The following PARP8 variants were observed in gnomAD, a reference collection of about 807,000 sequenced individuals.
The protein encoded by PARP8 is poly(ADP-ribose) polymerase family member 8, also known as protein mono-ADP-ribosyltransferase PARP8.
In PARP8, 51 loss-of-function variants were observed where a neutral mutation model predicts 124.1. The ratio of observed to expected loss-of-function variants is 0.41; its 90% CI spans 0.33 to 0.52. PARP8 has a LOEUF of 0.52. PARP8 is among the 20% of genes least tolerant of loss of function. The pLI is 0.21. For missense variants in PARP8, 860 were observed against 1,018.9 expected (o/e 0.84, Z 2.12); for synonymous variants, 391 against 361.5 (o/e 1.08, Z -0.93).
chr5:50,725,704 A>G (rs941986372), intron 2 of PARP8, among the ~76,000 whole-genome samples: 4 of 152,194 alleles, frequency 2.6e-5, no homozygotes, highest in African/African-American at 9.6e-5. Context: ...CATTATTTAT[A>G]CAGTATACAA....
At chr5:50,779,360 C>G (rs1246312860) in intron 9 of PARP8, among the ~76,000 whole-genome samples, 2 of 152,174 alleles carry the variant, frequency 1.3e-5, no homozygotes, top group Admixed American at 6.5e-5. Flanking sequence ...CTTGCAGTCT[C>G]CCATGATTTG....
At position 50,763,226 on chromosome 5, in the gene PARP8, C is replaced by T; in HGVS notation, c.502C>T (p.His168Tyr). 1 of 1,610,426 alleles carries T rather than the reference C, an allele frequency of 6.2e-7. No homozygotes were observed. The highest frequency in any genetic ancestry group is 8.5e-7 in the Non-Finnish European group (1 of 1,176,730). Residue 168 changes from histidine to tyrosine, a missense_variant, in exon 7 of 26, where the codon CAT (histidine) becomes TAT (tyrosine). His to Tyr is a moderately conservative substitution (Grantham distance 83, BLOSUM62 2). Coordinates refer to ENST00000281631, the MANE Select transcript of PARP8 (RefSeq NM_024615.4). ...AGCAGTTAGAGAGATATATGGGCCA[C>T]ATGCAGTTTCTCTCAGGTAAATAAG... ...LSAVREIYGPHAVSLREYGAI... is the reference protein window; with the variant it reads ...LSAVREIYGPYAVSLREYGAI...
chr5:50,727,134 G>A (rs191317840), intron 2 of PARP8, among the ~76,000 whole-genome samples: 1 of 152,138 alleles, frequency 6.6e-6, no homozygotes, highest in East Asian at 1.9e-4. Context: ...TCTGATAATA[G>A]TTTTTGGTAA....
At chr5:50,787,381 G>T (rs1385401658) in intron 9 of PARP8, among the ~76,000 whole-genome samples, 1 of 152,038 alleles carries the variant, frequency 6.6e-6, no homozygotes, top group Non-Finnish European at 1.5e-5. Flanking sequence ...CTGTTCCTAG[G>T]ATATTTCAGC....
At chr5:50,786,568 A>C (rs988843784) in intron 9 of PARP8, among the ~76,000 whole-genome samples, 5 of 150,408 alleles carry the variant, frequency 3.3e-5, no homozygotes, top group East Asian at 2.0e-4. Flanking sequence ...GAGTCTCTCT[A>C]TGTTTCCAAG....
chr5:50,794,134 A>G, intron 10 of PARP8, 73 bp from the exon 11 acceptor site: 3 of 1,467,872 alleles, frequency 2.0e-6, no homozygotes, highest in Admixed American at 4.2e-5. Flanking sequence ...TGCATTTTCT[A>G]CATAATAAAT....
intron 24 of PARP8, 107 bp downstream of exon 24, chr5:50,834,155 A>G: frequency 1.1e-6 from 1 of 892,338 alleles, no homozygotes; most frequent in Non-Finnish European, 1.7e-6. Flanking sequence ...GGAAAGCATT[A>G]TTCCTTATGA....
intron 2 of PARP8, among the ~76,000 whole-genome samples, chr5:50,682,971 G>A (rs888738130): frequency 1.3e-5 from 2 of 152,052 alleles, no homozygotes; most frequent in African/African-American, 2.4e-5. Flanking sequence ...CTTGAAATTA[G>A]GACTGACCCA....
intron 2 of PARP8, among the ~76,000 whole-genome samples, chr5:50,749,335 G>C (rs748720001): frequency 4.6e-5 from 7 of 152,104 alleles, no homozygotes; most frequent in Non-Finnish European, 1.0e-4. Context: ...GATGCAGTCA[G>C]ATAGCTAATG....
intron 22 of PARP8, 95 bp downstream of exon 22, chr5:50,830,056 A>G: frequency 7.7e-7 from 1 of 1,296,990 alleles, no homozygotes; most frequent in Non-Finnish European, 9.9e-7. Flanking sequence ...GTGCCTTATT[A>G]GATATATTTT....
chr5:50,801,200 A>C (rs1743183040), intron 14 of PARP8, among the ~76,000 whole-genome samples: 1 of 152,086 alleles, frequency 6.6e-6, no homozygotes, highest in South Asian at 2.1e-4. Context: ...TCCCGGGTTC[A>C]AGTGATTCTC....
chr5:50,676,495 C>T (rs1750655247), intron 2 of PARP8, among the ~76,000 whole-genome samples: 1 of 152,194 alleles, frequency 6.6e-6, no homozygotes, highest in Non-Finnish European at 1.5e-5. Flanking sequence ...TGGCAGAGCC[C>T]TCTCTGGTAC....
At chr5:50,804,194 C>G (rs1743561471) in intron 14 of PARP8, among the ~76,000 whole-genome samples, 1 of 152,134 alleles carries the variant, frequency 6.6e-6, no homozygotes, top group Admixed American at 6.6e-5. Flanking sequence ...CCTCACACAA[C>G]TAAAACGCTT....
At chr5:50,825,766 G>A (rs532645586) in intron 18 of PARP8, among the ~76,000 whole-genome samples, 1 of 152,222 alleles carries the variant, frequency 6.6e-6, no homozygotes, top group East Asian at 1.9e-4. Context: ...AGATTGATAT[G>A]AATGAGCACT....
intron 2 of PARP8, among the ~76,000 whole-genome samples, chr5:50,678,045 T>C (rs562432716): frequency 9.9e-5 from 15 of 152,204 alleles, no homozygotes; most frequent in Non-Finnish European, 1.8e-4. Context: ...TGATAACTTA[T>C]GGTTTTAGAA....
chr5:50,774,832 A>T (rs1283302063), intron 7 of PARP8, among the ~76,000 whole-genome samples: 1 of 131,228 alleles, frequency 7.6e-6, no homozygotes, highest in Non-Finnish European at 1.6e-5. Flanking sequence ...GGCGCTCCTC[A>T]CTTCCTAGAT....
rs151285410 is a variant in PARP8, at chr5:50,798,858, C to T, written c.1575+1625C>T. Among the ~76,000 whole-genome samples, 1,108 of 152,216 alleles carry T rather than the reference C, an allele frequency of 7.3e-3. 13 individuals carry two copies. Among genetic ancestry groups the T allele is most frequent in the African/African-American group, 0.026 (1,076 of 41,530 alleles). On this transcript the variant is annotated intron_variant, in intron 14 of 25. Coordinates refer to ENST00000281631, the MANE Select transcript of PARP8 (RefSeq NM_024615.4). ...AGCATCTTTTCATGTGCTTATTGGCCATTTGCATGTCTTTGGAGAAATGCC... is the reference window on the plus strand; with the variant it reads ...AGCATCTTTTCATGTGCTTATTGGCTATTTGCATGTCTTTGGAGAAATGCC...
chr5:50,736,083 A>G (rs1757447227), intron 2 of PARP8, among the ~76,000 whole-genome samples: 1 of 151,980 alleles, frequency 6.6e-6, no homozygotes, highest in Non-Finnish European at 1.5e-5. Flanking sequence ...TTCCCAAAAA[A>G]TTAGAAAGAG....
chr5:50,704,250 T>A (rs747659699), intron 2 of PARP8, among the ~76,000 whole-genome samples: 1 of 152,124 alleles, frequency 6.6e-6, no homozygotes, highest in Non-Finnish European at 1.5e-5. Flanking sequence ...CTCTTGTGTA[T>A]AGATATCCTC....
Sources: gnomAD v4.1 joint callset for allele counts (sites outside exome capture counted in the v4.1 genomes callset) on GRCh38, gnomAD v4.1.1 for gene constraint, MANE v1.5 for transcripts, NCBI Gene and HGNC (gene_info 2026-07-23, HGNC 2026-07-21) for gene names.